The following CACNA1C variants were observed in gnomAD, a reference collection of about 807,000 sequenced individuals.
The protein encoded by CACNA1C is calcium voltage-gated channel subunit alpha1 C.
Under a neutral mutation model 229.0 loss-of-function variants are expected in CACNA1C, and 30 were observed. The observed-to-expected ratio is 0.13, with a 90% CI of 0.10 to 0.18. CACNA1C has a LOEUF of 0.18. Among genes scored for constraint, CACNA1C ranks in the 10% least tolerant of loss-of-function variants. The pLI is 1.00. For synonymous variants in CACNA1C, 1,114 were observed against 1,132.5 expected (o/e 0.98, Z 0.33); for missense variants, 1,658 against 2,845.0 (o/e 0.58, Z 9.49).
rs2067904604 is a variant in CACNA1C at position 2,595,820 on chromosome 12, G to C, written c.2664-54G>C. 2 of 1,586,732 alleles carry C rather than the reference G, an allele frequency of 1.3e-6. No homozygotes were observed. Among genetic ancestry groups the C allele is most frequent in the Admixed American group, 1.7e-5 (1 of 59,066 alleles). On this transcript the variant is annotated intron_variant, in intron 19 of 46. Transcript: ENST00000399655. The surrounding 1 kb of genome is among the most constrained non-coding windows in gnomAD (Gnocchi z 4.1). ...GAGGGGCTCCCAAGAGCCGACTGGT[G>C]CTTCCCCTTGTCTGCCTTGACTTGT... is the stretch of plus-strand genomic sequence containing the variant.
Position 2,658,957 on chromosome 12 carries a change from CAA to C in CACNA1C, c.4232+3722_4232+3723del, listed in dbSNP as rs531037049. 3.3e-3 allele frequency among the ~76,000 whole-genome samples: 495 copies of C among 151,732 alleles called. 7 individuals are homozygous for C. Among genetic ancestry groups the C allele is most frequent in the African/African-American group, 0.011 (439 of 41,374 alleles). ...ATGTGTATTTTAAGTTGCGTTATTA[CAA>C]AAGAGTCCAAAAGTTAAAAAAAATT... On this transcript the variant is annotated intron_variant, in intron 34 of 46. Coordinates refer to ENST00000399655, the MANE Select transcript of CACNA1C (RefSeq NM_000719.7).
chr12:2,282,010 A>G (rs999988993), intron 3 of CACNA1C, among the ~76,000 whole-genome samples: 4 of 151,690 alleles, frequency 2.6e-5, no homozygotes, highest in African/African-American at 9.7e-5. Context: ...TTCCTATACT[A>G]TGTGTTTATG....
intron 13 of CACNA1C, among the ~76,000 whole-genome samples, chr12:2,578,801 G>A (rs1337826409): frequency 6.6e-6 from 1 of 152,166 alleles, no homozygotes; most frequent in Non-Finnish European, 1.5e-5. Flanking sequence ...CAGGGGTTGA[G>A]GGAGGCAGGG....
At chr12:2,655,047 G>T (rs2095339949) in intron 33 of CACNA1C, 100 bp from the exon 34 acceptor site, 3 of 758,894 alleles carry the variant, frequency 4.0e-6, no homozygotes, top group Non-Finnish European at 6.9e-6. Flanking sequence ...GCCAGTTCCA[G>T]GGACACCTGA....
chr12:2,388,603 A>G (rs78429561), intron 3 of CACNA1C, among the ~76,000 whole-genome samples: 2 of 152,142 alleles, frequency 1.3e-5, no homozygotes, highest in East Asian at 1.9e-4. Context: ...TGCAGTGCCT[A>G]TGACGTATCC....
At chr12:2,324,209 G>A (rs1221301282) in intron 3 of CACNA1C, among the ~76,000 whole-genome samples, 2 of 152,176 alleles carry the variant, frequency 1.3e-5, no homozygotes, top group Non-Finnish European at 2.9e-5. Flanking sequence ...TCAAAAGCCC[G>A]GGGGATGGGG....
In CACNA1C at chr12:2,486,079, T is replaced by C. The variant is rs751162103; in HGVS notation, c.758-25T>C. The C allele has an allele frequency of 6.4e-7, 1 of 1,573,454 alleles. No homozygotes were observed. The highest frequency in any genetic ancestry group is 8.6e-7 in the Non-Finnish European group (1 of 1,157,256). On this transcript the variant is annotated intron_variant, in intron 5 of 46. Transcript: ENST00000399655. The surrounding 1 kb of genome is among the most constrained non-coding windows in gnomAD (Gnocchi z 4.9). The stretch of plus-strand genomic sequence containing the variant: ...GCACGGTACCGCGGTGATGCTTGGT[T>C]CAGTGAGTGGCTCTGTCCCCGCAGG...
At chr12:2,587,945 A>G (rs537117500) in intron 18 of CACNA1C, among the ~76,000 whole-genome samples, 19 of 152,250 alleles carry the variant, frequency 1.2e-4, no homozygotes, top group African/African-American at 4.1e-4. Flanking sequence ...CCTGGTTTCC[A>G]GGTCCTCATC....
In CACNA1C at chr12:2,135,842, G is replaced by C. The variant is rs1321277475; in HGVS notation, c.477+15412G>C. Reference sequence around the variant, plus strand: ...AGCTGTGGTAGGCTCCACCCAGTTCGAGCTTCCCGGCTGCTTTGTTTACCT... The same window carrying C: ...AGCTGTGGTAGGCTCCACCCAGTTCCAGCTTCCCGGCTGCTTTGTTTACCT... On this transcript the variant is annotated intron_variant, in intron 3 of 46. Transcript: ENST00000399655. Among the ~76,000 whole-genome samples, 26 of 147,398 alleles carry C rather than the reference G, an allele frequency of 1.8e-4. 3 individuals are homozygous for C. The highest frequency in any genetic ancestry group is 3.4e-3 in the Middle Eastern group (1 of 294).
In CACNA1C at chr12:2,606,505, C is replaced by T. The variant is rs1474266174; in HGVS notation, c.3157-106C>T. On this transcript the variant is annotated intron_variant, in intron 24 of 46. Coordinates refer to ENST00000399655, the MANE Select transcript of CACNA1C (RefSeq NM_000719.7). ...CCATCTGGATTCTGCACTTTTTATC[C>T]CACTGTCCCTAGCACAGTGCTGGGC... is the stretch of plus-strand genomic sequence containing the variant. 42 of 926,096 alleles carry T rather than the reference C, an allele frequency of 4.5e-5. No homozygotes were observed. In the Middle Eastern group the frequency reaches 8.5e-4, roughly 19 times the overall value. The allele number at this position is 926,096 out of a possible 1,614,324, so 57.4% of individuals were successfully genotyped here. A position where few individuals can be genotyped will look rare whatever the true frequency, so the allele number is the denominator to read the frequency against.
At chr12:2,418,847 C>T (rs1567572782) in intron 3 of CACNA1C, among the ~76,000 whole-genome samples, 1 of 152,080 alleles carries the variant, frequency 6.6e-6, no homozygotes, top group African/African-American at 2.4e-5. Flanking sequence ...AGCATGCTGA[C>T]CCCCAGCTCC....
At chr12:2,025,701 C>T (rs1190430926) in intron 1 of CACNA1C, among the ~76,000 whole-genome samples, 4 of 152,184 alleles carry the variant, frequency 2.6e-5, no homozygotes, top group Admixed American at 6.5e-5. Flanking sequence ...AAATACCAGC[C>T]TTGGGATTTT....
chr12:2,398,562 C>T (rs2098629394), intron 3 of CACNA1C, among the ~76,000 whole-genome samples: 1 of 152,138 alleles, frequency 6.6e-6, no homozygotes, highest in South Asian at 2.1e-4. Flanking sequence ...TGGGGGCCTC[C>T]ATACCTTACA....
intron 3 of CACNA1C, among the ~76,000 whole-genome samples, chr12:2,154,663 T>A (rs2095461952): frequency 6.6e-6 from 1 of 152,144 alleles, no homozygotes; most frequent in African/African-American, 2.4e-5. Context: ...CCAGGCAGAC[T>A]TATAAATGGG....
At chr12:2,478,760 T>C (rs1567927222) in intron 5 of CACNA1C, among the ~76,000 whole-genome samples, 1 of 152,214 alleles carries the variant, frequency 6.6e-6, no homozygotes, top group Non-Finnish European at 1.5e-5. Flanking sequence ...TGGAGTCATT[T>C]GGCTCCAAGG....
Position 2,616,397 on chromosome 12 carries a change from T to C in CACNA1C, c.3828+4384T>C, listed in dbSNP as rs147196002. Among the ~76,000 whole-genome samples, 65 of 152,334 alleles carry C rather than the reference T, an allele frequency of 4.3e-4. 1 individual carries two copies. The East Asian group carries it at 0.012, about 29-fold the overall frequency. Reference sequence around the variant, plus strand: ...GTTGACGCATATATAGTGGAGCCCCTCTTGACTGGGTTAGACAGTCTCTCG... The same window carrying C: ...GTTGACGCATATATAGTGGAGCCCCCCTTGACTGGGTTAGACAGTCTCTCG... On this transcript the variant is annotated intron_variant, in intron 29 of 46. Coordinates refer to ENST00000399655, the MANE Select transcript of CACNA1C (RefSeq NM_000719.7).
chr12:2,341,031 A>G (rs933402340), intron 3 of CACNA1C, among the ~76,000 whole-genome samples: 2 of 152,036 alleles, frequency 1.3e-5, no homozygotes, highest in Admixed American at 1.3e-4. Context: ...AACACTCCCT[A>G]GGGGGAGTGG....
intron 3 of CACNA1C, among the ~76,000 whole-genome samples, chr12:2,191,883 TAC>T (rs1184063430): frequency 3.1e-4 from 21 of 67,916 alleles, no homozygotes; most frequent in African/African-American, 7.0e-4. Flanking sequence ...GGCGCACACG[TAC>T]ACACAGGCAC....
chr12:2,402,581 G>A (rs1435340551), intron 3 of CACNA1C, among the ~76,000 whole-genome samples: 1 of 152,250 alleles, frequency 6.6e-6, no homozygotes, highest in African/African-American at 2.4e-5. Flanking sequence ...TCCTATCTGT[G>A]AAATGAGAAT....
Sources: gnomAD v4.1 joint callset for allele counts (sites outside exome capture counted in the v4.1 genomes callset) on GRCh38, gnomAD v4.1.1 for gene constraint, Gnocchi (gnomAD v3.1) non-coding constraint, MANE v1.5 for transcripts, NCBI Gene and HGNC (gene_info 2026-07-23, HGNC 2026-07-21) for gene names.